The following NSMCE4A variants were observed in gnomAD, a reference collection of about 807,000 sequenced individuals.
NSMCE4A encodes NSE4A component of SMC5/6 complex.
A neutral mutation model predicts 47.9 loss-of-function variants in NSMCE4A; 40 were observed. The ratio of observed to expected loss-of-function variants is 0.83; its 90% CI spans 0.65 to 1.09. NSMCE4A has a LOEUF of 1.09. Among genes scored for constraint, NSMCE4A ranks in the 50% least tolerant of loss-of-function variants. The pLI is 0.00. For synonymous variants in NSMCE4A, 166 were observed against 178.5 expected (o/e 0.93, Z 0.56); for missense variants, 500 against 507.0 (o/e 0.99, Z 0.13).
intron 10 of NSMCE4A, among the ~76,000 whole-genome samples, chr10:121,958,433 A>T (rs984017940): frequency 6.6e-6 from 1 of 152,206 alleles, no homozygotes; most frequent in Non-Finnish European, 1.5e-5. Flanking sequence ...ATGAAGAAGA[A>T]TTCTTTCATA....
chr10:121,959,242 C>T (rs1310623320), intron 10 of NSMCE4A, 82 bp downstream of exon 10: 7 of 1,271,654 alleles, frequency 5.5e-6, no homozygotes, highest in Non-Finnish European at 6.9e-6. Context: ...ATTCAAATTT[C>T]ACTGGAATGG....
chr10:121,963,030 CAAAA>C (rs897617425), intron 6 of NSMCE4A, among the ~76,000 whole-genome samples: 1 of 151,552 alleles, frequency 6.6e-6, no homozygotes, highest in East Asian at 1.9e-4. Context: ...CATTTTGTAA[CAAAA>C]AAAATCCCCA....
intron 10 of NSMCE4A, among the ~76,000 whole-genome samples, chr10:121,958,424 TGAA>T (rs1025455070): frequency 8.5e-5 from 13 of 152,194 alleles, no homozygotes; most frequent in Admixed American, 2.6e-4. Flanking sequence ...TTCATAAAAA[TGAA>T]GAAGAATTCT....
intron 4 of NSMCE4A, chr10:121,965,776 GAGGCCA>G (rs1207570311): frequency 6.0e-6 from 1 of 165,746 alleles, no homozygotes; most frequent in Non-Finnish European, 1.3e-5. Context: ...TTGATCTGGG[GAGGCCA>G]AGGCAGAGGC....
At chr10:121,963,583 AC>A (rs2134746869) in intron 5 of NSMCE4A, among the ~76,000 whole-genome samples, 1 of 146,078 alleles carries the variant, frequency 6.8e-6, no homozygotes, top group East Asian at 2.0e-4. Flanking sequence ...AGCGTGCACC[AC>A]TACACCTGGC....
intron 5 of NSMCE4A, among the ~76,000 whole-genome samples, chr10:121,963,654 A>AT (rs80098803): frequency 0.13 from 20,112 of 151,684 alleles, 1,560 homozygotes; most frequent in Middle Eastern, 0.18. Context: ...ATTAAAAAAA[A>AT]TTTTTTTAGA....
chr10:121,961,391 A>G, intron 7 of NSMCE4A, 32 bp downstream of exon 7: 1 of 1,449,498 alleles, frequency 6.9e-7, no homozygotes, highest in Non-Finnish European at 9.4e-7. Flanking sequence ...AAAGCATATA[A>G]AAGCAATTAG....
Position 121,961,533 on chromosome 10 carries a change from G to GA in NSMCE4A, c.845-17dup, listed in dbSNP as rs561848898. The GA allele has an allele frequency of 8.1e-4, 1,200 of 1,479,236 alleles. No individual in the cohort carries two copies. The highest frequency in any genetic ancestry group is 1.2e-3 in the Admixed American group (45 of 38,702). The allele number at this position is 1,479,236 out of a possible 1,614,324, so 91.6% of individuals were successfully genotyped here. A position where few individuals can be genotyped will look rare whatever the true frequency, so the allele number is the denominator to read the frequency against. On this transcript the variant is annotated splice_polypyrimidine_tract_variant and intron_variant, in intron 6 of 10. Coordinates refer to ENST00000369023, the MANE Select transcript of NSMCE4A (RefSeq NM_017615.3). ...GGGGTATCAGCTATAGACAAAAAGA[G>GA]AAAAAAAAATTGATTTTTGCTTGTC... is the stretch of plus-strand genomic sequence containing the variant.
chr10:121,963,953 G>A (rs1385926067), intron 5 of NSMCE4A, among the ~76,000 whole-genome samples: 5 of 146,784 alleles, frequency 3.4e-5, no homozygotes, highest in Admixed American at 6.8e-5. Context: ...AAAATTAGCC[G>A]GGCATGGTGG....
At chr10:121,969,707 A>G (rs1433792608) in intron 3 of NSMCE4A, among the ~76,000 whole-genome samples, 1 of 152,150 alleles carries the variant, frequency 6.6e-6, no homozygotes, top group African/African-American at 2.4e-5. Flanking sequence ...TCAGATTGAC[A>G]GATTGACTGA....
intron 10 of NSMCE4A, 79 bp downstream of exon 10, chr10:121,959,245 T>C (rs1952454578): frequency 1.2e-5 from 15 of 1,290,882 alleles, no homozygotes; most frequent in Non-Finnish European, 1.7e-5. Context: ...CAAATTTCAC[T>C]GGAATGGGGA....
chr10:121,961,387 T>C (rs754893167), intron 7 of NSMCE4A, 36 bp downstream of exon 7: 4 of 1,423,616 alleles, frequency 2.8e-6, no homozygotes, highest in African/African-American at 2.9e-5. Context: ...TTTAAAAGCA[T>C]ATAAAAGCAA....
chr10:121,971,856 G>C (rs1186889702), intron 2 of NSMCE4A, among the ~76,000 whole-genome samples: 2 of 152,190 alleles, frequency 1.3e-5, no homozygotes, highest in African/African-American at 4.8e-5. Flanking sequence ...CATGTGCTAG[G>C]CTGGCACTAG....
chr10:121,974,044 T>C lies in NSMCE4A; in HGVS notation c.330A>G (p.Leu110=). Residue 110 remains leucine (L), a synonymous_variant, in exon 2 of 11, where the codon TTA becomes TTG. Transcript: ENST00000369023. ...TGTTAGCCTCTTCAAGGACCTCTGT[T>C]AATTTGTCACCGGCATTCAGTATGT... The part of the protein sequence containing the change: ...REDILNAGDK[L]TEVLEEANTL... The C allele has an allele frequency of 1.9e-6, 3 of 1,606,564 alleles. No homozygotes were observed. The highest frequency in any genetic ancestry group is 2.6e-6 in the Non-Finnish European group (3 of 1,175,338).
intron 2 of NSMCE4A, 30 bp downstream of exon 2, chr10:121,973,972 AAC>A: frequency 6.9e-7 from 1 of 1,443,912 alleles, no homozygotes. Flanking sequence ...AGTATCATAA[AAC>A]ACGAAATAAC....
In NSMCE4A at chr10:121,974,959, G is replaced by T; in HGVS notation, c.207C>A (p.Asp69Glu). Residue 69 changes from aspartate to glutamate, a missense_variant, in exon 1 of 11, where the codon GAC (aspartate) becomes GAA (glutamate). Asp to Glu is a conservative substitution (Grantham distance 45). Coordinates refer to ENST00000369023, the MANE Select transcript of NSMCE4A (RefSeq NM_017615.3). ...EPSDSGDEMMDPASLEAEADQ... is the reference protein window; with the variant it reads ...EPSDSGDEMMEPASLEAEADQ... ...CGGCCTCCGCCTCCAAGCTGGCCGG[G>T]TCCATCATCTCGTCCCCGGAATCCG... is the stretch of plus-strand genomic sequence containing the variant. The T allele has an allele frequency of 6.5e-7, 1 of 1,532,332 alleles. No individual in the cohort carries two copies. The allele number at this position is 1,532,332 out of a possible 1,614,324, so 94.9% of individuals were successfully genotyped here.
intron 5 of NSMCE4A, among the ~76,000 whole-genome samples, chr10:121,964,193 A>G (rs1590781951): frequency 8.0e-6 from 1 of 125,040 alleles, no homozygotes; most frequent in Middle Eastern, 6.2e-3. Context: ...CCCAGGCTGG[A>G]GTGCAGTGGT....
chr10:121,971,451 A>G (rs140009265), intron 2 of NSMCE4A, among the ~76,000 whole-genome samples: 129 of 152,202 alleles, frequency 8.5e-4, no homozygotes, highest in Middle Eastern at 3.4e-3. Flanking sequence ...AGCTTGCAGT[A>G]AGCCAAGATC....
rs1482715433 is a variant in NSMCE4A, at chr10:121,974,979, A to T, written c.187T>A (p.Ser63Thr). The change falls in exon 1 of 11, where the codon TCC (serine) becomes ACC (threonine). Residue 63 changes from serine (S) to threonine (T), a missense_variant. Physicochemically the swap from Ser to Thr is moderately conservative, Grantham distance 58. Coordinates refer to ENST00000369023, the MANE Select transcript of NSMCE4A (RefSeq NM_017615.3). ...PSLEDTEPSD[S>T]GDEMMDPASL... ...GCCGGGTCCATCATCTCGTCCCCGG[A>T]ATCCGACGGCTCTGTGTCCTCCAGG... 6.6e-7 allele frequency: 1 copy of T among 1,524,962 alleles called. No individual in the cohort carries two copies. The highest frequency in any genetic ancestry group is 8.8e-7 in the Non-Finnish European group (1 of 1,138,782). 94.5% of individuals were successfully genotyped at this position (1,524,962 alleles called of 1,614,324 possible).
Sources: gnomAD v4.1 joint callset for allele counts (sites outside exome capture counted in the v4.1 genomes callset) on GRCh38, gnomAD v4.1.1 for gene constraint, MANE v1.5 for transcripts, NCBI Gene and HGNC (gene_info 2026-07-23, HGNC 2026-07-21) for gene names.